CTTNBP2NL: variants seen among roughly 807,000 people sequenced by gnomAD.
CTTNBP2NL encodes the protein CTTNBP2 N-terminal-like protein.
A neutral mutation model predicts 32.5 loss-of-function variants in CTTNBP2NL; 16 were observed. That is an observed-to-expected ratio of 0.49 (90% CI 0.33 to 0.75). The LOEUF (loss-of-function observed/expected upper bound fraction) is 0.75, where lower values mean the gene tolerates loss of function less well. CTTNBP2NL is among the 30% of genes least tolerant of loss of function. The probability of loss-of-function intolerance (pLI) is 0.02; values close to 1 mark genes in which losing one functional copy is unlikely to be tolerated. For synonymous variants in CTTNBP2NL, 298 were observed against 289.4 expected, an observed-to-expected ratio of 1.03 and a Z score of -0.30; for missense variants, 645 against 756.0, an observed-to-expected ratio of 0.85 and a Z score of 1.72.
intron 1 of CTTNBP2NL, among the ~76,000 whole-genome samples, chr1:112,407,120 T>TG: frequency 6.6e-6 from 1 of 152,270 alleles, no homozygotes; most frequent in East Asian, 1.9e-4. Context: ...ATAATATGGC[T>TG]GGGAAAAAAC....
chr1:112,442,609 C>T (rs1057461602), intron 3 of CTTNBP2NL, among the ~76,000 whole-genome samples: 1 of 151,992 alleles, frequency 6.6e-6, no homozygotes, highest in African/African-American at 2.4e-5. Context: ...AATCTCAACA[C>T]ATTTGATTTC....
In CTTNBP2NL at chr1:112,451,812, C is replaced by T. The variant is rs367672930; in HGVS notation, c.331-2637C>T. Among the ~76,000 whole-genome samples, 36 of 150,920 alleles carry T rather than the reference C, an allele frequency of 2.4e-4. No homozygotes were observed. In the South Asian group the frequency reaches 7.6e-3, roughly 32 times the overall value. ...CAAAACAAACAAACAAAAAAACAGG[C>T]TTTGAGCCAGTTCTCCTGTTTTCTA... is the stretch of plus-strand genomic sequence containing the variant. On this transcript the variant is annotated intron_variant, in intron 4 of 5. Transcript: ENST00000271277.
chr1:112,413,729 T>C (rs1026815690), intron 2 of CTTNBP2NL, among the ~76,000 whole-genome samples: 2 of 152,198 alleles, frequency 1.3e-5, no homozygotes, highest in Admixed American at 1.3e-4. Context: ...GTGAACGTCA[T>C]TTACTAGTTG....
intron 1 of CTTNBP2NL, among the ~76,000 whole-genome samples, chr1:112,401,489 G>A (rs2100990107): frequency 6.6e-6 from 1 of 152,258 alleles, no homozygotes; most frequent in Middle Eastern, 3.4e-3. Context: ...CATATAAATG[G>A]TTTTGTAGAT....
intron 3 of CTTNBP2NL, among the ~76,000 whole-genome samples, chr1:112,423,291 A>C (rs1362108891): frequency 6.6e-6 from 1 of 152,118 alleles, no homozygotes; most frequent in Non-Finnish European, 1.5e-5. Context: ...TTTTACAGTT[A>C]AGATACTTAA....
chr1:112,419,050 T>C (rs1375244297), intron 3 of CTTNBP2NL, among the ~76,000 whole-genome samples: 1 of 152,164 alleles, frequency 6.6e-6, no homozygotes, highest in African/African-American at 2.4e-5. Context: ...TGGTGAAATA[T>C]TACAGCTTTC....
At chr1:112,442,688 C>T (rs1241730580) in intron 3 of CTTNBP2NL, among the ~76,000 whole-genome samples, 1 of 151,902 alleles carries the variant, frequency 6.6e-6, no homozygotes, top group Non-Finnish European at 1.5e-5. Flanking sequence ...TTCTGTTACT[C>T]ATATTCTTTT....
Position 112,457,340 on chromosome 1 carries a change from C to T in CTTNBP2NL, c.1848C>T (p.Ala616=). Residue 616 remains alanine, a synonymous_variant, in exon 6 of 6, where the codon GCC becomes GCT. Transcript: ENST00000271277. ...CTTTGACCACTGCAGAAGACCTTGC[C>T]AGCAGCTGCTCTTCCAATACTGTTG... ...AASLTTAEDL[A]SSCSSNTVVA... is the part of the protein sequence containing the mutation. 1 of 1,614,178 alleles carries T rather than the reference C, an allele frequency of 6.2e-7. No individual in the cohort carries two copies. The highest frequency in any genetic ancestry group is 8.5e-7 in the Non-Finnish European group (1 of 1,180,012).
intron 3 of CTTNBP2NL, among the ~76,000 whole-genome samples, chr1:112,431,045 G>C (rs1649555774): frequency 6.6e-6 from 1 of 152,198 alleles, no homozygotes; most frequent in Non-Finnish European, 1.5e-5. Flanking sequence ...TGTGGGTTCT[G>C]TGTTTTGTTT....
chr1:112,440,351 T>C (rs2780272), intron 3 of CTTNBP2NL, among the ~76,000 whole-genome samples: 8,071 of 152,338 alleles, frequency 0.053, 646 homozygotes, highest in African/African-American at 0.18. Flanking sequence ...CGATTACTTA[T>C]CATTTCTGTT....
Position 112,459,980 on chromosome 1 carries a change from T to A in CTTNBP2NL, c.*2568T>A, listed in dbSNP as rs577334121. The A allele has an allele frequency of 6.6e-6, 1 of 152,336 alleles. No individual in the cohort carries two copies. Among genetic ancestry groups the A allele is most frequent in the South Asian group, 2.1e-4 (1 of 4,832 alleles). The allele number at this position is 152,336 out of a possible 1,614,324, so 9.4% of individuals were successfully genotyped here. A position where few individuals can be genotyped will look rare whatever the true frequency, so the allele number is the denominator to read the frequency against. ...AAGCACAATCTTGCAATGGATCCAA[T>A]AACCCAGTTAGGTATTATAGATTAG... On this transcript the variant is annotated 3_prime_UTR_variant, in exon 6 of 6. Transcript: ENST00000271277.
chr1:112,428,795 A>G (rs1482780606), intron 3 of CTTNBP2NL, among the ~76,000 whole-genome samples: 1 of 152,088 alleles, frequency 6.6e-6, no homozygotes, highest in Admixed American at 6.6e-5. Flanking sequence ...TTTTCTTTAA[A>G]TGCTGATTAT....
At chr1:112,404,442 A>T (rs886657912) in intron 1 of CTTNBP2NL, among the ~76,000 whole-genome samples, 1 of 152,178 alleles carries the variant, frequency 6.6e-6, no homozygotes, top group Non-Finnish European at 1.5e-5. Flanking sequence ...AATCCTTCAT[A>T]CCATACTCTG....
At chr1:112,411,801 G>T (rs1425578313) in intron 1 of CTTNBP2NL, among the ~76,000 whole-genome samples, 2 of 151,878 alleles carry the variant, frequency 1.3e-5, no homozygotes, top group Non-Finnish European at 2.9e-5. Context: ...TCCTGCCTTA[G>T]CCTCGTGAGT....
At chr1:112,405,647 G>A (rs1014871856) in intron 1 of CTTNBP2NL, among the ~76,000 whole-genome samples, 1 of 152,194 alleles carries the variant, frequency 6.6e-6, no homozygotes, top group Non-Finnish European at 1.5e-5. Flanking sequence ...TGAGGGAAGA[G>A]ATATCTGAAT....
chr1:112,457,309 C>G lies in CTTNBP2NL; in HGVS notation c.1817C>G (p.Ala606Gly). ...TTPLTKTHSQ[A>G]ASLTTAEDLA... ...CCATTGACCAAAACTCATTCCCAGG[C>G]AGCCTCTTTGACCACTGCAGAAGAC... is the stretch of plus-strand genomic sequence containing the variant. Residue 606 changes from alanine (A) to glycine (G), a missense_variant, in exon 6 of 6, where the codon GCA becomes GGA. Transcript: ENST00000271277. 1 of 1,614,218 alleles carries G rather than the reference C, an allele frequency of 6.2e-7. No individual in the cohort carries two copies. The highest frequency in any genetic ancestry group is 8.5e-7 in the Non-Finnish European group (1 of 1,180,032).
At position 112,457,490 on chromosome 1, in the gene CTTNBP2NL, ATG is replaced by A; in HGVS notation, c.*80_*81del. The A allele has an allele frequency of 8.0e-7, 1 of 1,248,878 alleles. No individual in the cohort carries two copies. The highest frequency in any genetic ancestry group is 1.1e-6 in the Non-Finnish European group (1 of 889,270). The allele number at this position is 1,248,878 out of a possible 1,614,324, so 77.4% of individuals were successfully genotyped here. On this transcript the variant is annotated 3_prime_UTR_variant, in exon 6 of 6. Transcript: ENST00000271277. ...CTCAGTCAGACTTCTGAGTCAGATT[ATG>A]TTATTTATTTTGATAGTAGCTGAAA... is the stretch of plus-strand genomic sequence containing the variant.
intron 3 of CTTNBP2NL, among the ~76,000 whole-genome samples, chr1:112,424,170 A>G (rs1649320385): frequency 2.6e-5 from 4 of 152,102 alleles, no homozygotes; most frequent in Admixed American, 2.6e-4. Flanking sequence ...TAAGTTTTAC[A>G]CTTAAGTCTA....
intron 3 of CTTNBP2NL, among the ~76,000 whole-genome samples, chr1:112,443,277 G>A (rs928781328): frequency 2.0e-5 from 3 of 152,108 alleles, no homozygotes; most frequent in African/African-American, 4.8e-5. Context: ...GCAGTGGTGC[G>A]ATCTTGGCTC....
Sources: allele counts gnomAD v4.1 joint callset (sites outside exome capture counted in the v4.1 genomes callset), GRCh38; gene constraint gnomAD v4.1.1; transcripts MANE v1.5; gene names NCBI Gene and HGNC (gene_info 2026-07-23, HGNC 2026-07-21).